PGR: variants seen among roughly 807,000 people sequenced by gnomAD.
PGR encodes the protein nuclear receptor subfamily 3 group C member 3.
A neutral mutation model predicts 76.1 loss-of-function variants in PGR; 25 were observed. The observed-to-expected ratio is 0.33, with a 90% confidence interval of 0.24 to 0.46. The LOEUF is 0.46. PGR is among the 20% of genes least tolerant of loss of function. The pLI is 1.00. For missense variants in PGR, 1,172 were observed against 1,225.3 expected (o/e 0.96, Z 0.65); for synonymous variants, 579 against 535.0 (o/e 1.08, Z -1.14).
At chr11:101,050,185 C>A in intron 5 of PGR, 126 bp from the exon 6 acceptor site, 1 of 918,920 alleles carries the variant, frequency 1.1e-6, no homozygotes, top group Non-Finnish European at 1.7e-6. Flanking sequence ...AAAATGACTA[C>A]TACTTTTAAT....
At chr11:101,080,045 T>G (rs1861251858) in intron 3 of PGR, among the ~76,000 whole-genome samples, 1 of 152,194 alleles carries the variant, frequency 6.6e-6, no homozygotes, top group Non-Finnish European at 1.5e-5. Context: ...ACTGGATTCT[T>G]CCTTGGCACT....
intron 2 of PGR, among the ~76,000 whole-genome samples, chr11:101,121,224 T>G (rs1862665621): frequency 6.6e-6 from 1 of 152,200 alleles, no homozygotes; most frequent in Non-Finnish European, 1.5e-5. Flanking sequence ...TATTGGAGAT[T>G]AAATGAATAT....
chr11:101,047,616 G>A (rs1027338238), intron 6 of PGR, among the ~76,000 whole-genome samples: 4 of 151,962 alleles, frequency 2.6e-5, no homozygotes, highest in Admixed American at 6.6e-5. Flanking sequence ...TTGAGATTTG[G>A]GACCTTAGAA....
At position 101,029,874 on chromosome 11, in the gene PGR, T is replaced by A; in HGVS notation, c.*9242A>T. ...TAGCTTGAAAATAAGTATATGATGATGATATTAGGTGCCCACTAGCACCTA... is the reference window on the plus strand; with the variant it reads ...TAGCTTGAAAATAAGTATATGATGAAGATATTAGGTGCCCACTAGCACCTA... On this transcript the variant is annotated 3_prime_UTR_variant, in exon 8 of 8. Transcript: ENST00000325455. 4.5e-6 allele frequency: 1 copy of A among 222,690 alleles called. No individual in the cohort carries two copies. Among genetic ancestry groups the A allele is most frequent in the Non-Finnish European group, 9.0e-6 (1 of 111,420 alleles). 13.8% of individuals were successfully genotyped at this position (222,690 alleles called of 1,614,324 possible). A position where few individuals can be genotyped will look rare whatever the true frequency, so the allele number is the denominator to read the frequency against.
Position 101,127,492 on chromosome 11 carries a change from C to A in PGR, c.1579G>T (p.Ala527Ser), listed in dbSNP as rs1253782670. The A allele has an allele frequency of 6.4e-7, 1 of 1,553,454 alleles. No homozygotes were observed. Reference sequence around the variant, plus strand: ...GGCAGGCCCTCCTTGAGCACGGCGGCCTGGTAGCCGAGCTGCGGGAGCCCG... The same window carrying A: ...GGCAGGCCCTCCTTGAGCACGGCGGACTGGTAGCCGAGCTGCGGGAGCCCG... ...LNGLPQLGYQ[A>S]AVLKEGLPQV... Residue 527 changes from alanine to serine, a missense_variant, in exon 1 of 8, where the codon GCC (alanine) becomes TCC (serine). Ala to Ser is a moderately conservative substitution (Grantham distance 99, BLOSUM62 1). This residue lies in a region of PGR where 893 missense variants were observed against 785.9 expected (regional missense o/e 1.14). Coordinates refer to ENST00000325455, the MANE Select transcript of PGR (RefSeq NM_000926.4).
chr11:101,041,806 G>C (rs1349714228), intron 7 of PGR, 139 bp downstream of exon 7: 1 of 714,410 alleles, frequency 1.4e-6, no homozygotes, highest in Non-Finnish European at 2.3e-6. Flanking sequence ...AAAAGTCTGA[G>C]CAGCATGATC....
chr11:101,064,350 A>C (rs111893695), intron 3 of PGR, among the ~76,000 whole-genome samples: 18,002 of 128,122 alleles, frequency 0.14, 2,595 homozygotes, highest in East Asian at 0.71. Context: ...AAAAAAAAAA[A>C]AAAAAAAAAA....
In PGR at chr11:101,094,060, C is replaced by T. The variant is rs577966114; in HGVS notation, c.1790-2184G>A. Among the ~76,000 whole-genome samples, 14 of 152,304 alleles carry T rather than the reference C, an allele frequency of 9.2e-5. 2 individuals are homozygous for T. The South Asian group carries it at 2.5e-3, about 27-fold the overall frequency. Reference sequence around the variant, plus strand: ...TTGCTCCATCAATTTCCTCCTTTCTCTCCTAAAGTCTTTAGTCTCTCCAGT... The same window carrying T: ...TTGCTCCATCAATTTCCTCCTTTCTTTCCTAAAGTCTTTAGTCTCTCCAGT... On this transcript the variant is annotated intron_variant, in intron 2 of 7. Transcript: ENST00000325455.
intron 3 of PGR, among the ~76,000 whole-genome samples, chr11:101,085,907 A>T (rs1861483370): frequency 6.6e-6 from 1 of 152,250 alleles, no homozygotes; most frequent in African/African-American, 2.4e-5. Flanking sequence ...GGAAAAAACT[A>T]AAGCACTGAA....
chr11:101,078,686 A>C (rs1347824181), intron 3 of PGR, among the ~76,000 whole-genome samples: 1 of 152,212 alleles, frequency 6.6e-6, no homozygotes, highest in East Asian at 1.9e-4. Context: ...CAAATAACTC[A>C]AAACATAATT....
At chr11:101,059,198 A>T (rs1207060683) in intron 4 of PGR, among the ~76,000 whole-genome samples, 2 of 151,962 alleles carry the variant, frequency 1.3e-5, no homozygotes, top group Admixed American at 1.3e-4. Context: ...GATGCAGTTT[A>T]ACTGACATTT....
chr11:101,032,022 C>G lies in PGR; in HGVS notation c.*7094G>C, dbSNP rs1420736514. 1 of 232,552 alleles carries G rather than the reference C, an allele frequency of 4.3e-6. No homozygotes were observed. The highest frequency in any genetic ancestry group is 2.2e-5 in the African/African-American group (1 of 45,274). The allele number at this position is 232,552 out of a possible 1,614,324, so 14.4% of individuals were successfully genotyped here. A position where few individuals can be genotyped will look rare whatever the true frequency, so the allele number is the denominator to read the frequency against. On this transcript the variant is annotated 3_prime_UTR_variant, in exon 8 of 8. Coordinates refer to ENST00000325455, the MANE Select transcript of PGR (RefSeq NM_000926.4). ...GGTGGAGTGGTACAGATTGTTTGGA[C>G]AGATAGAATTCTGGGACTTGGGAAA...
chr11:101,076,516 A>C (rs1861133210), intron 3 of PGR, among the ~76,000 whole-genome samples: 1 of 152,124 alleles, frequency 6.6e-6, no homozygotes, highest in Admixed American at 6.5e-5. Context: ...AACATTAAAA[A>C]GTATGGCTTA....
At chr11:101,061,974 G>T (rs369617511) in intron 4 of PGR, among the ~76,000 whole-genome samples, 4 of 152,144 alleles carry the variant, frequency 2.6e-5, no homozygotes, top group Non-Finnish European at 5.9e-5. Flanking sequence ...AGTAATTTAC[G>T]TTAGGGAATT....
At position 101,038,991 on chromosome 11, in the gene PGR, C is replaced by T. The variant is rs914162819; in HGVS notation, c.*125G>A. The T allele has an allele frequency of 1.3e-5, 8 of 625,856 alleles. No individual in the cohort carries two copies. The highest frequency in any genetic ancestry group is 1.1e-4 in the African/African-American group (6 of 53,776). The allele number at this position is 625,856 out of a possible 1,614,324, so 38.8% of individuals were successfully genotyped here. ...CCTCACAATTTTTCTTTTAAATTTACACACTATGATGTTATAAATGTAAGG... is the reference window on the plus strand; with the variant it reads ...CCTCACAATTTTTCTTTTAAATTTATACACTATGATGTTATAAATGTAAGG... On this transcript the variant is annotated 3_prime_UTR_variant, in exon 8 of 8. Coordinates refer to ENST00000325455, the MANE Select transcript of PGR (RefSeq NM_000926.4).
chr11:101,062,679 C>T lies in PGR; in HGVS notation c.1980G>A (p.Val660=). The T allele has an allele frequency of 6.2e-7, 1 of 1,613,814 alleles. No homozygotes were observed. The highest frequency in any genetic ancestry group is 1.1e-5 in the South Asian group (1 of 91,060). The change falls in exon 4 of 8, where the codon GTG becomes GTA. Residue 660 remains valine, a synonymous_variant. Transcript: ENST00000325455. ...ALDAVALPQP[V]GVPNESQALS... is the part of the protein sequence containing the mutation. ...GGGCTTGGCTTTCATTTGGAACGCC[C>T]ACTGGCTGTGGGAGAGCAACAGCAT...
intron 2 of PGR, among the ~76,000 whole-genome samples, chr11:101,115,172 G>C (rs1862463174): frequency 6.6e-6 from 1 of 151,842 alleles, no homozygotes; most frequent in Admixed American, 6.6e-5. Flanking sequence ...TTGTCCTTCT[G>C]CTCAGTCTGT....
At chr11:101,063,021 T>C (rs1860572031) in intron 3 of PGR, 1 of 348,866 alleles carries the variant, frequency 2.9e-6, no homozygotes, top group Non-Finnish European at 5.3e-6. Flanking sequence ...TGGGTAATTA[T>C]ACCAGTATTC....
chr11:101,031,427 A>C lies in PGR; in HGVS notation c.*7689T>G. ...GGAACTAACAATTTCCTTGATGGAA[A>C]TTGAATAAGGTAATCCAAAAAGAAG... On this transcript the variant is annotated 3_prime_UTR_variant, in exon 8 of 8. Coordinates refer to ENST00000325455, the MANE Select transcript of PGR (RefSeq NM_000926.4). 1 of 225,788 alleles carries C rather than the reference A, an allele frequency of 4.4e-6. No homozygotes were observed. Among genetic ancestry groups the C allele is most frequent in the Non-Finnish European group, 8.8e-6 (1 of 113,374 alleles). The allele number at this position is 225,788 out of a possible 1,614,324, so 14.0% of individuals were successfully genotyped here.
Sources: allele counts gnomAD v4.1 joint callset (sites outside exome capture counted in the v4.1 genomes callset), GRCh38; gene constraint gnomAD v4.1.1; regional missense constraint gnomAD v4.1.1; transcripts MANE v1.5; gene names NCBI Gene and HGNC (gene_info 2026-07-23, HGNC 2026-07-21).